Variants in CNGB1 observed in about 807,000 individuals in gnomAD.
CNGB1 encodes cyclic nucleotide gated channel subunit beta 1.
In CNGB1, 126 loss-of-function variants were observed where a neutral mutation model predicts 151.7. That is an observed-to-expected ratio of 0.83 (90% CI 0.72 to 0.96). The LOEUF (loss-of-function observed/expected upper bound fraction) is 0.96, where lower values mean the gene tolerates loss of function less well. Ranked by LOEUF, CNGB1 falls within the 40% of genes least tolerant of loss-of-function variation. CNGB1 has a pLI of 0.00. For synonymous variants in CNGB1, 623 were observed against 635.1 expected (o/e 0.98, Z 0.29); for missense variants, 1,698 against 1,627.0 (o/e 1.04, Z -0.75).
At chr16:57,902,260 G>A (rs972013296) in intron 27 of CNGB1, among the ~76,000 whole-genome samples, 3 of 151,788 alleles carry the variant, frequency 2.0e-5, no homozygotes, top group Non-Finnish European at 2.9e-5. Flanking sequence ...TAGTAGAAAC[G>A]GGGTTTCACC....
At chr16:57,944,206 T>G (rs992478291) in intron 14 of CNGB1, among the ~76,000 whole-genome samples, 1 of 152,176 alleles carries the variant, frequency 6.6e-6, no homozygotes, top group South Asian at 2.1e-4. Flanking sequence ...ACAATAGAAT[T>G]CAGCCTTTAA....
intron 20 of CNGB1, among the ~76,000 whole-genome samples, chr16:57,917,708 T>C (rs1191863346): frequency 2.6e-5 from 4 of 151,332 alleles, no homozygotes; most frequent in Non-Finnish European, 5.9e-5. Flanking sequence ...ATGTCTGTAA[T>C]CCCAGCACTT....
At position 57,933,224 on chromosome 16, in the gene CNGB1, G is replaced by A. The variant is rs184687612; in HGVS notation, c.1373-1346C>T. 1.6e-3 allele frequency among the ~76,000 whole-genome samples: 251 copies of A among 152,272 alleles called. 1 individual carries two copies. Among genetic ancestry groups the A allele is most frequent in the African/African-American group, 5.7e-3 (235 of 41,546 alleles). Reference sequence around the variant, plus strand: ...ATTACAGGCGTGAGCCACTGGGCCCGGCTGGCCTCACATTCTTGAAGAGCA... The same window carrying A: ...ATTACAGGCGTGAGCCACTGGGCCCAGCTGGCCTCACATTCTTGAAGAGCA... On this transcript the variant is annotated intron_variant, in intron 16 of 32. Coordinates refer to ENST00000251102, the MANE Select transcript of CNGB1 (RefSeq NM_001297.5).
chr16:57,941,124 T>A (rs1287690202), intron 14 of CNGB1, among the ~76,000 whole-genome samples: 1 of 152,184 alleles, frequency 6.6e-6, no homozygotes, highest in African/African-American at 2.4e-5. Context: ...AATTAATATA[T>A]CTTTATTAAT....
rs1959795428 is a variant in CNGB1, at chr16:57,882,860, A to G, written c.*1304T>C. The G allele has an allele frequency of 6.7e-6, 1 of 150,314 alleles. No individual in the cohort carries two copies. Among genetic ancestry groups the G allele is most frequent in the South Asian group, 2.1e-4 (1 of 4,796 alleles). The allele number at this position is 150,314 out of a possible 1,614,324, so 9.3% of individuals were successfully genotyped here. A position where few individuals can be genotyped will look rare whatever the true frequency, so the allele number is the denominator to read the frequency against. On this transcript the variant is annotated 3_prime_UTR_variant, in exon 33 of 33. Coordinates refer to ENST00000251102, the MANE Select transcript of CNGB1 (RefSeq NM_001297.5). ...GACACGATCTGGAAAGCTTTAGGGA[A>G]TGTAAGTGCTGTCATCAGCTGGGAG... is the stretch of plus-strand genomic sequence containing the variant.
chr16:57,954,306 A>G (rs1962031890), intron 12 of CNGB1, among the ~76,000 whole-genome samples: 2 of 152,186 alleles, frequency 1.3e-5, no homozygotes, highest in South Asian at 2.1e-4. Context: ...GATGATGTAA[A>G]CAAATGAAGA....
At chr16:57,938,170 C>T (rs1299774397) in intron 16 of CNGB1, among the ~76,000 whole-genome samples, 3 of 152,162 alleles carry the variant, frequency 2.0e-5, no homozygotes, top group African/African-American at 7.2e-5. Context: ...CCCAGACCAC[C>T]TGCTTCCAAA....
Position 57,960,495 on chromosome 16 carries a change from AG to A in CNGB1, c.569del (p.Ala190ValfsTer87), listed in dbSNP as rs1190579642. The A allele has an allele frequency of 1.2e-6, 2 of 1,613,664 alleles. No homozygotes were observed. Among genetic ancestry groups the A allele is most frequent in the Non-Finnish European group, 1.7e-6 (2 of 1,179,872 alleles). On this transcript the variant is annotated frameshift_variant, in exon 9 of 33. Transcript: ENST00000251102. LOFTEE classifies it high-confidence loss of function. ...WRDEPAVATG[A>X]ASDPAPPGRP... ...CCCTCCCTGTACCTGGGTCTGAGGC[AG>A]CACCTGTAGCAACTGCAGGCTCATC... is the stretch of plus-strand genomic sequence containing the variant.
chr16:57,901,065 G>T (rs1390872678), intron 29 of CNGB1, among the ~76,000 whole-genome samples: 2 of 152,060 alleles, frequency 1.3e-5, no homozygotes, highest in Non-Finnish European at 2.9e-5. Context: ...GAGTTGGGGG[G>T]GGGGTCTTTG....
chr16:57,968,948 G>C (rs1459814615), intron 1 of CNGB1, among the ~76,000 whole-genome samples: 1 of 150,072 alleles, frequency 6.7e-6, no homozygotes, highest in Admixed American at 6.7e-5. Context: ...AGGGGTCGAG[G>C]CTTCAGTGAT....
chr16:57,962,240 C>T (rs1055644343), intron 7 of CNGB1, among the ~76,000 whole-genome samples: 16 of 152,180 alleles, frequency 1.1e-4, no homozygotes, highest in African/African-American at 3.4e-4. Flanking sequence ...TGATCCAAGC[C>T]CTGCTTCCAG....
At position 57,897,532 on chromosome 16, in the gene CNGB1, A is replaced by G; in HGVS notation, c.3107T>C (p.Val1036Ala). ...GGCCGTGCGCCGGTTCCCGCCCCCAACAGCCAGCAAGCTGGGGCAGAGAAG... is the reference window on the plus strand; with the variant it reads ...GGCCGTGCGCCGGTTCCCGCCCCCAGCAGCCAGCAAGCTGGGGCAGAGAAG... Reference protein sequence around the residue: ...SVFGEISLLAVGGGNRRTANV... With the variant: ...SVFGEISLLAAGGGNRRTANV... Residue 1036 changes from valine (V) to alanine (A), a missense_variant, in exon 31 of 33, where the codon GTT (valine) becomes GCT (alanine). Physicochemically the swap from Val to Ala is moderately conservative, Grantham distance 64 (BLOSUM62 0). Coordinates refer to ENST00000251102, the MANE Select transcript of CNGB1 (RefSeq NM_001297.5). 1.2e-6 allele frequency: 2 copies of G among 1,613,954 alleles called. No individual in the cohort carries two copies. The highest frequency in any genetic ancestry group is 1.7e-6 in the Non-Finnish European group (2 of 1,180,016).
chr16:57,913,198 G>GTCTT (rs1490562901), intron 23 of CNGB1, among the ~76,000 whole-genome samples: 2 of 152,184 alleles, frequency 1.3e-5, no homozygotes, highest in Non-Finnish European at 2.9e-5. Flanking sequence ...GTCATAGCCC[G>GTCTT]TCTTCCCTTG....
chr16:57,895,065 G>A (rs1399238116), intron 31 of CNGB1, among the ~76,000 whole-genome samples: 1 of 152,156 alleles, frequency 6.6e-6, no homozygotes, highest in African/African-American at 2.4e-5. Flanking sequence ...GACATGGGCT[G>A]GAAATTCTGA....
chr16:57,894,376 A>G (rs751817231), intron 31 of CNGB1, among the ~76,000 whole-genome samples: 15 of 152,208 alleles, frequency 9.9e-5, no homozygotes, highest in Non-Finnish European at 2.1e-4. Context: ...AGAAGCGGGC[A>G]GATCACCTGA....
chr16:57,913,619 T>G (rs9972816), intron 23 of CNGB1, among the ~76,000 whole-genome samples: 19,805 of 151,978 alleles, frequency 0.13, 3,800 homozygotes, highest in African/African-American at 0.42. Context: ...TAGCTGGGAC[T>G]ACAGGCACAC....
chr16:57,920,601 C>T, intron 18 of CNGB1, 57 bp from the exon 19 acceptor site: 1 of 1,598,196 alleles, frequency 6.3e-7, no homozygotes, highest in Non-Finnish European at 8.5e-7. Context: ...CTGTGCACCC[C>T]CAGGCCAGAG....
At chr16:57,947,355 C>CTA (rs1294179913) in intron 14 of CNGB1, among the ~76,000 whole-genome samples, 1 of 152,170 alleles carries the variant, frequency 6.6e-6, no homozygotes, top group Non-Finnish European at 1.5e-5. Flanking sequence ...CCACTTGTAG[C>CTA]TATACACCCC....
At position 57,903,883 on chromosome 16, in the gene CNGB1, C is replaced by T. The variant is rs1012577997; in HGVS notation, c.2733G>A (p.Lys911=). ...VKYMNFYKIP[K]SVQNRVKTWY... ...AGGTCTTGACGCGGTTCTGCACGGA[C>T]TTGGGGATCTTGTAGAAATTCATGT... is the stretch of plus-strand genomic sequence containing the variant. Residue 911 remains lysine (K), a synonymous_variant, in exon 27 of 33, where the codon AAG becomes AAA. Coordinates refer to ENST00000251102, the MANE Select transcript of CNGB1 (RefSeq NM_001297.5). 3.7e-6 allele frequency: 6 copies of T among 1,614,188 alleles called. No individual in the cohort carries two copies. Among genetic ancestry groups the T allele is most frequent in the Non-Finnish European group, 5.1e-6 (6 of 1,180,046 alleles).
Sources: allele counts gnomAD v4.1 joint callset (sites outside exome capture counted in the v4.1 genomes callset), GRCh38; gene constraint gnomAD v4.1.1; transcripts MANE v1.5; gene names NCBI Gene and HGNC (gene_info 2026-07-23, HGNC 2026-07-21).